Variants in REG4 observed in about 807,000 individuals in gnomAD.
The protein encoded by REG4 is regenerating family member 4, also known as regenerating islet-derived protein 4.
In REG4, 16 loss-of-function variants were observed where a neutral mutation model predicts 22.3. The observed-to-expected ratio is 0.72, with a 90% CI of 0.49 to 1.09. The LOEUF (loss-of-function observed/expected upper bound fraction) is 1.09, where lower values mean the gene tolerates loss of function less well. Ranked by LOEUF, REG4 falls within the 50% of genes least tolerant of loss-of-function variation. The probability of loss-of-function intolerance (pLI) is 0.00; values close to 1 mark genes in which losing one functional copy is unlikely to be tolerated. For synonymous variants in REG4, 71 were observed against 69.2 expected (o/e 1.03, Z -0.13); for missense variants, 214 against 193.9 (o/e 1.10, Z -0.61).
intron 2 of REG4, 22 bp from the exon 3 acceptor site, chr1:119,803,187 T>G (rs760844424): frequency 2.9e-5 from 43 of 1,502,068 alleles, no homozygotes; most frequent in Non-Finnish European, 3.6e-5. Context: ...CAAAAGGCAA[T>G]TGCACATTAT....
Position 119,808,701 on chromosome 1 carries a change from A to G in REG4, c.67+2T>C, listed in dbSNP as rs368686120. On this transcript the variant is annotated splice_donor_variant, in intron 2 of 5. Coordinates refer to ENST00000256585, the MANE Select transcript of REG4 (RefSeq NM_032044.4). LOFTEE classifies it high-confidence loss of function. ...AGTTCCAGCTACGTGATGGATACTC[A>G]CCACCCAGGACTCCTGTTTTGGCCA... The G allele has an allele frequency of 6.2e-7, 1 of 1,611,846 alleles. No homozygotes were observed. The highest frequency in any genetic ancestry group is 8.5e-7 in the Non-Finnish European group (1 of 1,178,018).
At position 119,802,463 on chromosome 1, in the gene REG4, T is replaced by TA; in HGVS notation, c.165+604dup. Reference sequence around the variant, plus strand: ...AGGCCCAGATCATGCCAAATGTACCTATATGGCTCCCCCAATTAATCACAA... The same window carrying TA: ...AGGCCCAGATCATGCCAAATGTACCTAATATGGCTCCCCCAATTAATCACAA... On this transcript the variant is annotated intron_variant, in intron 3 of 5. Transcript: ENST00000256585. 3.0e-6 allele frequency: 3 copies of TA among 1,001,576 alleles called. No individual in the cohort carries two copies. The South Asian group carries it at 1.4e-4, about 46-fold the overall frequency. 62.0% of individuals were successfully genotyped at this position (1,001,576 alleles called of 1,614,324 possible).
At chr1:119,799,408 G>GTA (rs1491112756) in intron 4 of REG4, among the ~76,000 whole-genome samples, 1 of 51,028 alleles carries the variant, frequency 2.0e-5, no homozygotes, top group Non-Finnish European at 3.5e-5. Flanking sequence ...GCCTGTGTGC[G>GTA]TACACACACA....
At chr1:119,808,073 C>T (rs984549157) in intron 2 of REG4, among the ~76,000 whole-genome samples, 5 of 152,228 alleles carry the variant, frequency 3.3e-5, no homozygotes, top group African/African-American at 1.2e-4. Context: ...TTCTGGAATT[C>T]ATTTTCCTTG....
In REG4 at chr1:119,798,594, C is replaced by T. The variant is rs1654003689; in HGVS notation, c.312G>A (p.Gln104=). Residue 104 remains glutamine, a synonymous_variant, in exon 5 of 6, where the codon CAG becomes CAA. Coordinates refer to ENST00000256585, the MANE Select transcript of REG4 (RefSeq NM_032044.4). ...ACATGGCCCCATCAATCCACTGCCA[C>T]TGCTGCCTCTGCAACAACAGGAGAT... is the stretch of plus-strand genomic sequence containing the variant. The part of the protein sequence containing the change: ...IGLHDPQKRQ[Q]WQWIDGAMYL... 8.1e-6 allele frequency: 13 copies of T among 1,613,980 alleles called. No individual in the cohort carries two copies. The South Asian group carries it at 1.1e-4, about 14-fold the overall frequency.
At chr1:119,810,741 G>A (rs3009198) in intron 1 of REG4, among the ~76,000 whole-genome samples, 120,610 of 152,150 alleles carry the variant, frequency 0.79, 48,092 homozygotes, top group South Asian at 0.84. Context: ...TTGAATGTCT[G>A]CATGTCATGT....
chr1:119,800,020 GA>G (rs587651480), intron 3 of REG4, among the ~76,000 whole-genome samples, 158 bp from the exon 4 acceptor site: 27 of 152,240 alleles, frequency 1.8e-4, no homozygotes, highest in African/African-American at 6.3e-4. Context: ...GCCACCCTGG[GA>G]AAAAACACAA....
intron 1 of REG4, among the ~76,000 whole-genome samples, chr1:119,810,050 A>G (rs1381271645): frequency 6.6e-6 from 1 of 151,304 alleles, no homozygotes; most frequent in African/African-American, 2.4e-5. Context: ...TCTTTTTTGT[A>G]TGTTTATTGC....
intron 2 of REG4, among the ~76,000 whole-genome samples, chr1:119,804,331 G>A (rs1006316497): frequency 2.6e-5 from 4 of 152,156 alleles, no homozygotes; most frequent in Non-Finnish European, 5.9e-5. Flanking sequence ...TTTCAGATGA[G>A]CTCTCTGCTC....
At chr1:119,795,745 C>T (rs975429441) in intron 5 of REG4, among the ~76,000 whole-genome samples, 1 of 152,216 alleles carries the variant, frequency 6.6e-6, no homozygotes, top group African/African-American at 2.4e-5. Flanking sequence ...CCTGCCCATG[C>T]CTGCATCCAT....
intron 2 of REG4, among the ~76,000 whole-genome samples, chr1:119,803,899 T>C (rs1460591579): frequency 6.6e-6 from 1 of 152,132 alleles, no homozygotes; most frequent in African/African-American, 2.4e-5. Flanking sequence ...AGCACTTAAG[T>C]CTGCCTTAAG....
chr1:119,798,660 G>T, intron 4 of REG4, 58 bp from the exon 5 acceptor site: 1 of 1,330,220 alleles, frequency 7.5e-7, no homozygotes. Context: ...CCACAGCCAA[G>T]GAAGTCCCCT....
At chr1:119,802,509 A>G in intron 3 of REG4, 1 of 1,056,462 alleles carries the variant, frequency 9.5e-7, no homozygotes, top group Non-Finnish European at 1.1e-6. Context: ...TCCACTCCCC[A>G]TATGTGGCTG....
In REG4 at chr1:119,808,804, G is replaced by A. The variant is rs1471117274; in HGVS notation, c.-35C>T. On this transcript the variant is annotated 5_prime_UTR_variant, in exon 2 of 6. Coordinates refer to ENST00000256585, the MANE Select transcript of REG4 (RefSeq NM_032044.4). Reference sequence around the variant, plus strand: ...ACCCTGAGGATGTAGCTAGTGCAAGGATCTCAGAGACCTTACTAGCGCTTC... The same window carrying A: ...ACCCTGAGGATGTAGCTAGTGCAAGAATCTCAGAGACCTTACTAGCGCTTC... 6.6e-7 allele frequency: 1 copy of A among 1,506,182 alleles called. No homozygotes were observed. The allele number at this position is 1,506,182 out of a possible 1,614,324, so 93.3% of individuals were successfully genotyped here.
At chr1:119,794,803 T>C in intron 5 of REG4, 118 bp from the exon 6 acceptor site, 2 of 854,476 alleles carry the variant, frequency 2.3e-6, no homozygotes, top group South Asian at 2.8e-5. Context: ...ACTTTATGTG[T>C]CAACTTAGCT....
In REG4 at chr1:119,802,696, C is replaced by T. The variant is rs1654149034; in HGVS notation, c.165+372G>A. The T allele has an allele frequency of 4.2e-6, 6 of 1,424,416 alleles. No homozygotes were observed. In the East Asian group the frequency reaches 7.7e-5, roughly 18 times the overall value. 88.2% of individuals were successfully genotyped at this position (1,424,416 alleles called of 1,614,324 possible). A position where few individuals can be genotyped will look rare whatever the true frequency, so the allele number is the denominator to read the frequency against. ...GCTCCAGGCATGTCTACACACCACT[C>T]TCTTTCTGGTAAATCTTGTACAGAA... On this transcript the variant is annotated intron_variant, in intron 3 of 5. Transcript: ENST00000256585.
At chr1:119,808,983 A>C in intron 1 of REG4, 120 bp from the exon 2 acceptor site, 22 of 501,994 alleles carry the variant, frequency 4.4e-5, no homozygotes, top group Middle Eastern at 5.2e-4. Flanking sequence ...AGGGAATCTC[A>C]AGTTAGATGT....
At position 119,794,405 on chromosome 1, in the gene REG4, A is replaced by G. The variant is rs904448805; in HGVS notation, c.*213T>C. ...GAGGAGGGAAGAAGGATACTGTGGA[A>G]AGGGATGGCGGGGCAAACATTTAGA... On this transcript the variant is annotated 3_prime_UTR_variant, in exon 6 of 6. Coordinates refer to ENST00000256585, the MANE Select transcript of REG4 (RefSeq NM_032044.4). 3 of 632,392 alleles carry G rather than the reference A, an allele frequency of 4.7e-6. No homozygotes were observed. Among genetic ancestry groups the G allele is most frequent in the Non-Finnish European group, 5.8e-6 (2 of 347,822 alleles). 39.2% of individuals were successfully genotyped at this position (632,392 alleles called of 1,614,324 possible). A position where few individuals can be genotyped will look rare whatever the true frequency, so the allele number is the denominator to read the frequency against.
chr1:119,810,777 G>A (rs587741410), intron 1 of REG4, among the ~76,000 whole-genome samples: 209 of 152,344 alleles, frequency 1.4e-3, no homozygotes, highest in African/African-American at 4.9e-3. Flanking sequence ...ACTGGGCCGG[G>A]TGTGGTGGCT....
Sources: gnomAD v4.1 joint callset for allele counts (sites outside exome capture counted in the v4.1 genomes callset) on GRCh38, gnomAD v4.1.1 for gene constraint, MANE v1.5 for transcripts, NCBI Gene and HGNC (gene_info 2026-07-23, HGNC 2026-07-21) for gene names.